Variants in ZNF383 observed in about 807,000 individuals in gnomAD.
ZNF383 encodes zinc finger protein 383.
Under a neutral mutation model 44.2 loss-of-function variants are expected in ZNF383, and 32 were observed. The observed-to-expected ratio is 0.72, with a 90% CI of 0.55 to 0.97. The LOEUF is 0.97. ZNF383 is among the 50% of genes least tolerant of loss of function. The probability of loss-of-function intolerance (pLI) is 0.00; values close to 1 mark genes in which losing one functional copy is unlikely to be tolerated. For synonymous variants in ZNF383, 155 were observed against 186.2 expected, an observed-to-expected ratio of 0.83 and a Z score of 1.36; for missense variants, 487 against 562.5, an observed-to-expected ratio of 0.87 and a Z score of 1.36.
At chr19:37,239,262 C>T (rs1013288140) in intron 5 of ZNF383, among the ~76,000 whole-genome samples, 10 of 152,144 alleles carry the variant, frequency 6.6e-5, no homozygotes, top group Non-Finnish European at 1.5e-4. Context: ...TGAGATATAA[C>T]ATTTCTTCCT....
chr19:37,243,038 A>C lies in ZNF383; in HGVS notation c.802A>C (p.Asn268His), dbSNP rs765820958. 44 of 1,612,502 alleles carry C rather than the reference A, an allele frequency of 2.7e-5. No homozygotes were observed. The highest frequency in any genetic ancestry group is 1.3e-4 in the Admixed American group (8 of 59,852). The change falls in exon 6 of 6, where the codon AAT (asparagine) becomes CAT (histidine). Residue 268 changes from asparagine (N) to histidine (H), a missense_variant. Physicochemically the swap from Asn to His is moderately conservative, Grantham distance 68. Transcript: ENST00000684119. ...TGGGAAGGCCTTTAGTTATTGCTCAAATCTTATTGACCATCAGCGAATTCA... is the reference window on the plus strand; with the variant it reads ...TGGGAAGGCCTTTAGTTATTGCTCACATCTTATTGACCATCAGCGAATTCA... Reference protein sequence around the residue: ...ECGKAFSYCSNLIDHQRIHTG... With the variant: ...ECGKAFSYCSHLIDHQRIHTG...
chr19:37,244,539 G>A lies in ZNF383; in HGVS notation c.*875G>A, dbSNP rs1308800335. 3 of 152,064 alleles carry A rather than the reference G, an allele frequency of 2.0e-5. No homozygotes were observed. Among genetic ancestry groups the A allele is most frequent in the Non-Finnish European group, 2.9e-5 (2 of 68,052 alleles). 9.4% of individuals were successfully genotyped at this position (152,064 alleles called of 1,614,324 possible). A position where few individuals can be genotyped will look rare whatever the true frequency, so the allele number is the denominator to read the frequency against. On this transcript the variant is annotated 3_prime_UTR_variant, in exon 6 of 6. Transcript: ENST00000684119. ...ATTACAGGCATGTGCCACAACACCC[G>A]GCTAATTTTTTGTATTTTTAGTAGA...
At chr19:37,231,271 C>T (rs1243922894) in intron 3 of ZNF383, among the ~76,000 whole-genome samples, 1 of 152,130 alleles carries the variant, frequency 6.6e-6, no homozygotes, top group Non-Finnish European at 1.5e-5. Context: ...TGCCTGTAAT[C>T]TCAGCACTTT....
chr19:37,242,804 A>G lies in ZNF383; in HGVS notation c.568A>G (p.Arg190Gly). 6.2e-7 allele frequency: 1 copy of G among 1,614,168 alleles called. No homozygotes were observed. Among genetic ancestry groups the G allele is most frequent in the Non-Finnish European group, 8.5e-7 (1 of 1,179,998 alleles). Reference protein sequence around the residue: ...SQNSQFIQHQRIHIGEKSYEC... With the variant: ...SQNSQFIQHQGIHIGEKSYEC... ...GAACTCACAATTTATTCAACATCAG[A>G]GAATTCATATTGGTGAAAAATCTTA... The change falls in exon 6 of 6, where the codon AGA (arginine) becomes GGA (glycine). Residue 190 changes from arginine to glycine, a missense_variant. By Grantham distance (125) the Arg-to-Gly change is moderately radical. Transcript: ENST00000684119.
chr19:37,218,903 T>C (rs1387034928), intron 1 of ZNF383, among the ~76,000 whole-genome samples: 1 of 152,088 alleles, frequency 6.6e-6, no homozygotes, highest in African/African-American at 2.4e-5. Context: ...GGGGGAACTG[T>C]AACTTTGTGT....
chr19:37,231,146 C>T (rs61525939), intron 3 of ZNF383, among the ~76,000 whole-genome samples: 1 of 152,208 alleles, frequency 6.6e-6, no homozygotes, highest in Non-Finnish European at 1.5e-5. Context: ...GTGGATCACA[C>T]TGTCAGAGCT....
At position 37,243,533 on chromosome 19, in the gene ZNF383, A is replaced by G; in HGVS notation, c.1297A>G (p.Lys433Glu). The change falls in exon 6 of 6, where the codon AAA (lysine) becomes GAA (glutamate). Residue 433 changes from lysine (K) to glutamate (E), a missense_variant. Transcript: ENST00000684119. ...TAATGAATGTGGAAAGGCCTTTAAT[A>G]AATGCTCAAACCTTACTCGACATCT... ...ECNECGKAFN[K>E]CSNLTRHLRI... is the part of the protein sequence containing the mutation. 6.2e-7 allele frequency: 1 copy of G among 1,613,908 alleles called. No individual in the cohort carries two copies. The highest frequency in any genetic ancestry group is 8.5e-7 in the Non-Finnish European group (1 of 1,179,940).
chr19:37,233,422 C>T (rs1023299787), intron 3 of ZNF383, among the ~76,000 whole-genome samples: 6 of 148,232 alleles, frequency 4.0e-5, no homozygotes, highest in African/African-American at 7.5e-5. Context: ...TGAGCCACTG[C>T]GCCCGGCTGT....
Position 37,236,062 on chromosome 19 carries a change from G to A in ZNF383, c.220G>A (p.Gly74Ser). 5 of 1,613,294 alleles carry A rather than the reference G, an allele frequency of 3.1e-6. No homozygotes were observed. The highest frequency in any genetic ancestry group is 4.2e-6 in the Non-Finnish European group (5 of 1,179,580). ...GATGGTTGGCAGAGAGCTTACAAGA[G>A]GCCTGTGTTCAGGTAAGTGAGAAAT... Reference protein sequence around the residue: ...PWMVGRELTRGLCSDLESMCE... With the variant: ...PWMVGRELTRSLCSDLESMCE... Residue 74 changes from glycine to serine, a missense_variant, in exon 5 of 6, where the codon GGC becomes AGC. Gly to Ser is a moderately conservative substitution (Grantham distance 56, BLOSUM62 0). Transcript: ENST00000684119.
intron 3 of ZNF383, among the ~76,000 whole-genome samples, chr19:37,234,615 C>T (rs1468321901): frequency 6.6e-6 from 1 of 152,082 alleles, no homozygotes; most frequent in African/African-American, 2.4e-5. Context: ...TGGTCTCGAT[C>T]TCCTGACCTC....
intron 2 of ZNF383, chr19:37,226,733 G>A (rs1370642895): frequency 6.6e-6 from 1 of 152,152 alleles, no homozygotes; most frequent in Non-Finnish European, 1.5e-5. Flanking sequence ...TATTGGACAA[G>A]ATGTGTGCTT....
At chr19:37,238,821 GT>G (rs1973945923) in intron 5 of ZNF383, among the ~76,000 whole-genome samples, 1 of 152,200 alleles carries the variant, frequency 6.6e-6, no homozygotes, top group South Asian at 2.1e-4. Context: ...ATATTATCAT[GT>G]TTGCAAAGGA....
intron 1 of ZNF383, among the ~76,000 whole-genome samples, chr19:37,221,094 A>G (rs1272327701): frequency 2.0e-5 from 3 of 152,212 alleles, no homozygotes; most frequent in East Asian, 3.9e-4. Context: ...TTGCTGGGCC[A>G]TACAGTATGT....
intron 2 of ZNF383, among the ~76,000 whole-genome samples, chr19:37,228,900 C>CTAT (rs2036314385): frequency 6.6e-6 from 1 of 151,890 alleles, no homozygotes; most frequent in Non-Finnish European, 1.5e-5. Context: ...TTTTTGTGCA[C>CTAT]TTTATAACAA....
chr19:37,218,773 C>T (rs1481142402), intron 1 of ZNF383, among the ~76,000 whole-genome samples: 7 of 152,032 alleles, frequency 4.6e-5, no homozygotes, highest in South Asian at 4.1e-4. Context: ...CTTTATGTAG[C>T]ACTGTGTCTG....
chr19:37,242,065 A>ATAGTATC (rs1491564663), intron 5 of ZNF383, among the ~76,000 whole-genome samples: 1 of 44 alleles, frequency 0.023, no homozygotes, highest in Non-Finnish European at 0.036. Flanking sequence ...TATACTATAT[A>ATAGTATC]GATACTATAT....
rs766876873 is a variant in ZNF383 at position 37,245,719 on chromosome 19, C to T, written c.*2055C>T. The T allele has an allele frequency of 6.7e-6, 1 of 148,894 alleles. No homozygotes were observed. The highest frequency in any genetic ancestry group is 2.0e-4 in the East Asian group (1 of 4,932). The allele number at this position is 148,894 out of a possible 1,614,324, so 9.2% of individuals were successfully genotyped here. A position where few individuals can be genotyped will look rare whatever the true frequency, so the allele number is the denominator to read the frequency against. On this transcript the variant is annotated 3_prime_UTR_variant, in exon 6 of 6. Transcript: ENST00000684119. The stretch of plus-strand genomic sequence containing the variant: ...TGAACTCTTGACCTTGTGATCCACC[C>T]ACCTCGGCCTCCCAAAGTTCGGGGA...
At position 37,246,897 on chromosome 19, in the gene ZNF383, AT is replaced by A. The variant is rs1243354290; in HGVS notation, c.*3234del. The A allele has an allele frequency of 3.3e-5, 5 of 152,182 alleles. No individual in the cohort carries two copies. Among genetic ancestry groups the A allele is most frequent in the Admixed American group, 1.3e-4 (2 of 15,270 alleles). The allele number at this position is 152,182 out of a possible 1,614,324, so 9.4% of individuals were successfully genotyped here. On this transcript the variant is annotated 3_prime_UTR_variant, in exon 6 of 6. Transcript: ENST00000684119. Reference sequence around the variant, plus strand: ...GGAAGAGATTATAAAATTTTTTCTAATATTTCCCCCCAAAATGCAGAAAACA... The same window carrying A: ...GGAAGAGATTATAAAATTTTTTCTAAATTTCCCCCCAAAATGCAGAAAACA...
chr19:37,242,831 G>A lies in ZNF383; in HGVS notation c.595G>A (p.Glu199Lys), dbSNP rs778313220. ...AATTCATATTGGTGAAAAATCTTAT[G>A]AATGTAAAGAGTGTGGGAAATTCTT... ...QRIHIGEKSY[E>K]CKECGKFFSC... The change falls in exon 6 of 6, where the codon GAA becomes AAA. Residue 199 changes from glutamate to lysine, a missense_variant. Physicochemically the swap from Glu to Lys is moderately conservative, Grantham distance 56. Transcript: ENST00000684119. 5 of 1,613,970 alleles carry A rather than the reference G, an allele frequency of 3.1e-6. No individual in the cohort carries two copies. The highest frequency in any genetic ancestry group is 4.2e-6 in the Non-Finnish European group (5 of 1,180,016).
Sources: gnomAD v4.1 joint callset for allele counts (sites outside exome capture counted in the v4.1 genomes callset) on GRCh38, gnomAD v4.1.1 for gene constraint, MANE v1.5 for transcripts, NCBI Gene and HGNC (gene_info 2026-07-23, HGNC 2026-07-21) for gene names.